AGBL1: variants seen among roughly 807,000 people sequenced by gnomAD.
AGBL1 encodes AGBL carboxypeptidase 1, also known as cytosolic carboxypeptidase 4.
A neutral mutation model predicts 118.9 loss-of-function variants in AGBL1; 130 were observed. That is an observed-to-expected ratio of 1.09 (90% confidence interval 0.95 to 1.26). AGBL1 has a LOEUF of 1.26. AGBL1 is among the 50% of genes most tolerant of loss of function. The probability of loss-of-function intolerance (pLI) is 0.00; values close to 1 mark genes in which losing one functional copy is unlikely to be tolerated. For missense variants in AGBL1, 1,584 were observed against 1,298.1 expected (o/e 1.22, Z -3.38); for synonymous variants, 555 against 478.9 (o/e 1.16, Z -2.08).
chr15:86,809,647 G>A (rs1229455750), intron 22 of AGBL1, among the ~76,000 whole-genome samples: 4 of 152,104 alleles, frequency 2.6e-5, no homozygotes, highest in African/African-American at 7.2e-5. Context: ...GGCAGTCCTT[G>A]GAATTAAGGG....
chr15:86,476,623 A>T (rs1213132936), intron 18 of AGBL1, among the ~76,000 whole-genome samples: 1 of 152,182 alleles, frequency 6.6e-6, no homozygotes, highest in African/African-American at 2.4e-5. Flanking sequence ...CTCCCACACA[A>T]TAATAATGGG....
intron 1 of AGBL1, among the ~76,000 whole-genome samples, chr15:86,093,203 T>TAG (rs1488938928): frequency 1.3e-5 from 2 of 152,178 alleles, no homozygotes; most frequent in Non-Finnish European, 2.9e-5. Context: ...AGTCTTCACA[T>TAG]AGAGCCATTC....
chr15:86,940,188 G>A (rs2080732854), intron 23 of AGBL1, among the ~76,000 whole-genome samples: 1 of 148,574 alleles, frequency 6.7e-6, no homozygotes, highest in South Asian at 2.2e-4. Context: ...ACAGACATGA[G>A]CCTGTGCCCG....
rs192918961 is a variant in AGBL1 at position 86,378,436 on chromosome 15, A to G, written c.2375-18930A>G. ...TTTTGGGGGTCTGTCTCCAGGGGCC[A>G]GTCTTCTAGAGACCCCTTTGCCTCA... On this transcript the variant is annotated intron_variant, in intron 17 of 22. Transcript: ENST00000614907. Among the ~76,000 whole-genome samples the G allele has an allele frequency of 9.3e-4, 141 of 152,118 alleles. 2 individuals carry two copies. Among genetic ancestry groups the G allele is most frequent in the African/African-American group, 3.2e-3 (132 of 41,478 alleles).
chr15:86,179,772 G>C (rs1034926955), intron 5 of AGBL1, among the ~76,000 whole-genome samples: 3 of 152,140 alleles, frequency 2.0e-5, no homozygotes, highest in Non-Finnish European at 4.4e-5. Context: ...ACTATTTGCA[G>C]ATGATTATCT....
intron 21 of AGBL1, among the ~76,000 whole-genome samples, chr15:86,642,440 AT>A (rs1053397702): frequency 5.9e-5 from 9 of 151,932 alleles, no homozygotes; most frequent in Admixed American, 2.6e-4. Context: ...TTACATTATC[AT>A]TTTTTTTCTT....
intron 22 of AGBL1, among the ~76,000 whole-genome samples, chr15:86,797,763 A>G (rs1390028141): frequency 6.6e-6 from 1 of 152,192 alleles, no homozygotes; most frequent in African/African-American, 2.4e-5. Flanking sequence ...GAGGTGATCC[A>G]TCAGCAAAAT....
intron 23 of AGBL1, among the ~76,000 whole-genome samples, chr15:86,981,374 G>T (rs978437202): frequency 2.0e-5 from 3 of 152,130 alleles, no homozygotes; most frequent in African/African-American, 7.2e-5. Flanking sequence ...CAACACCATG[G>T]TCATTGTTTT....
At chr15:86,790,012 A>G (rs74392293) in intron 22 of AGBL1, among the ~76,000 whole-genome samples, 9,845 of 152,014 alleles carry the variant, frequency 0.065, 470 homozygotes, top group East Asian at 0.19. Context: ...ATTTCTTAAA[A>G]CTCAGCAGTA....
chr15:86,080,096 T>C, intron 1 of AGBL1, 73 bp downstream of exon 1: 1 of 1,147,396 alleles, frequency 8.7e-7, no homozygotes, highest in Non-Finnish European at 1.1e-6. Flanking sequence ...CTGGGAGCTA[T>C]GCACACAGTC....
chr15:86,996,229 T>C (rs2081379005), intron 24 of AGBL1, among the ~76,000 whole-genome samples: 1 of 152,122 alleles, frequency 6.6e-6, no homozygotes, highest in Non-Finnish European at 1.5e-5. Flanking sequence ...CTTGATTAAT[T>C]TTTGAAGAGT....
intron 22 of AGBL1, among the ~76,000 whole-genome samples, chr15:86,853,580 C>T (rs1022517095): frequency 6.6e-6 from 1 of 152,178 alleles, no homozygotes; most frequent in African/African-American, 2.4e-5. Flanking sequence ...GACACCAAAG[C>T]CCGGGCTCTA....
intron 21 of AGBL1, among the ~76,000 whole-genome samples, chr15:86,607,289 G>A (rs573246829): frequency 5.3e-5 from 8 of 152,256 alleles, no homozygotes; most frequent in Admixed American, 5.2e-4. Context: ...GCCAATTGGG[G>A]TTTCTATTTC....
chr15:86,566,658 A>G (rs1217324773), intron 21 of AGBL1, among the ~76,000 whole-genome samples: 3 of 152,120 alleles, frequency 2.0e-5, no homozygotes, highest in African/African-American at 7.2e-5. Context: ...CAGATGGGAC[A>G]CTTCTCCTCC....
At chr15:86,153,279 A>G (rs1359794539) in intron 3 of AGBL1, among the ~76,000 whole-genome samples, 1 of 152,226 alleles carries the variant, frequency 6.6e-6, no homozygotes, top group Admixed American at 6.5e-5. Flanking sequence ...CAACAATGAT[A>G]GACTGGATTA....
chr15:86,921,254 G>A (rs551639453), intron 23 of AGBL1, among the ~76,000 whole-genome samples: 1 of 152,278 alleles, frequency 6.6e-6, no homozygotes, highest in East Asian at 1.9e-4. Context: ...GGAATGGTGA[G>A]TTCCAGCCTG....
intron 22 of AGBL1, among the ~76,000 whole-genome samples, chr15:86,836,955 C>T (rs1211510547): frequency 6.6e-6 from 1 of 152,098 alleles, no homozygotes; most frequent in African/African-American, 2.4e-5. Flanking sequence ...TCATTATCTG[C>T]TTCCTCATAC....
chr15:86,117,686 AG>A, intron 1 of AGBL1, among the ~76,000 whole-genome samples: 1 of 152,218 alleles, frequency 6.6e-6, no homozygotes, highest in African/African-American at 2.4e-5. Context: ...TTTAATCAAA[AG>A]TTTCCCTCCT....
At chr15:86,688,479 A>G (rs1422007922) in intron 22 of AGBL1, among the ~76,000 whole-genome samples, 2 of 152,192 alleles carry the variant, frequency 1.3e-5, no homozygotes, top group African/African-American at 4.8e-5. Context: ...CTTATTTGCA[A>G]ACTGAAGTTG....
Sources: allele counts gnomAD v4.1 joint callset (sites outside exome capture counted in the v4.1 genomes callset), GRCh38; gene constraint gnomAD v4.1.1; transcripts MANE v1.5; gene names NCBI Gene and HGNC (gene_info 2026-07-23, HGNC 2026-07-21).